The following CDO1 variants were observed in gnomAD, a reference collection of about 807,000 sequenced individuals.
CDO1 encodes cysteine dioxygenase type 1, also known as cysteine dioxygenase, type I.
A neutral mutation model predicts 24.5 loss-of-function variants in CDO1; 19 were observed. That is an observed-to-expected ratio of 0.77 (90% CI 0.54 to 1.14). The LOEUF (loss-of-function observed/expected upper bound fraction) is 1.14, where lower values mean the gene tolerates loss of function less well. Among genes scored for constraint, CDO1 ranks in the 50% most tolerant of loss-of-function variants. The probability of loss-of-function intolerance (pLI) is 0.00; values close to 1 mark genes in which losing one functional copy is unlikely to be tolerated. For missense variants in CDO1, 244 were observed against 244.8 expected (o/e 1.00, Z 0.02); for synonymous variants, 91 against 87.0 (o/e 1.05, Z -0.26).
At chr5:115,814,349 G>A (rs760463837) in intron 1 of CDO1, 1 of 152,190 alleles carries the variant, frequency 6.6e-6, no homozygotes, top group Non-Finnish European at 1.5e-5. Context: ...GAAGTCTTAG[G>A]ATAATCTTTG....
At chr5:115,810,780 A>G (rs1479242738) in intron 3 of CDO1, among the ~76,000 whole-genome samples, 2 of 152,248 alleles carry the variant, frequency 1.3e-5, no homozygotes, top group East Asian at 3.8e-4. Context: ...TTAGAAAAAC[A>G]GAGACTAGCT....
At chr5:115,812,873 C>T (rs1423797509) in intron 2 of CDO1, among the ~76,000 whole-genome samples, 2 of 151,636 alleles carry the variant, frequency 1.3e-5, no homozygotes, top group Non-Finnish European at 2.9e-5. Flanking sequence ...CATGGTGAAA[C>T]CCCATCTCTA....
In CDO1 at chr5:115,804,985, C is replaced by T. The variant is rs898932911; in HGVS notation, c.*448G>A. Reference sequence around the variant, plus strand: ...AAAATCTACAGATTCACAAAATTATCTTCCAATATTAAGAACATACAAAGT... The same window carrying T: ...AAAATCTACAGATTCACAAAATTATTTTCCAATATTAAGAACATACAAAGT... On this transcript the variant is annotated 3_prime_UTR_variant, in exon 5 of 5. Transcript: ENST00000250535. The T allele has an allele frequency of 1.0e-4, 16 of 153,728 alleles. No individual in the cohort carries two copies. The highest frequency in any genetic ancestry group is 2.1e-4 in the South Asian group (1 of 4,836). The allele number at this position is 153,728 out of a possible 1,614,324, so 9.5% of individuals were successfully genotyped here.
chr5:115,806,652 G>C (rs1479657568), intron 3 of CDO1, 134 bp from the exon 4 acceptor site: 3 of 677,616 alleles, frequency 4.4e-6, no homozygotes, highest in Admixed American at 3.6e-5. Context: ...AATTGAACTT[G>C]CAGTTAAAGA....
At chr5:115,810,498 T>C (rs998703501) in intron 3 of CDO1, among the ~76,000 whole-genome samples, 1 of 152,236 alleles carries the variant, frequency 6.6e-6, no homozygotes, top group Admixed American at 6.5e-5. Context: ...ACAAATTGTT[T>C]AATCTTCCTA....
chr5:115,806,619 C>A, intron 3 of CDO1, 101 bp from the exon 4 acceptor site: 2 of 807,238 alleles, frequency 2.5e-6, no homozygotes, highest in Non-Finnish European at 3.9e-6. Context: ...AATTGTGATG[C>A]AAATGGAATA....
At chr5:115,809,633 C>T (rs1760101107) in intron 3 of CDO1, 1 of 152,192 alleles carries the variant, frequency 6.6e-6, no homozygotes, top group Non-Finnish European at 1.5e-5. Flanking sequence ...TTCACTTGTG[C>T]TCTTCCTTGT....
intron 4 of CDO1, 74 bp from the exon 5 acceptor site, chr5:115,805,536 C>G (rs985439171): frequency 8.5e-6 from 12 of 1,405,420 alleles, no homozygotes; most frequent in South Asian, 8.3e-5. Context: ...CTAAATAGTT[C>G]TGCTTTTGTA....
At chr5:115,812,492 T>C (rs1320120356) in intron 2 of CDO1, among the ~76,000 whole-genome samples, 1 of 152,216 alleles carries the variant, frequency 6.6e-6, no homozygotes, top group Non-Finnish European at 1.5e-5. Context: ...CTTTTCTAGC[T>C]TCAAATCTCC....
intron 1 of CDO1, among the ~76,000 whole-genome samples, chr5:115,815,666 C>A (rs377382486): frequency 2.0e-5 from 3 of 152,272 alleles, no homozygotes; most frequent in East Asian, 1.9e-4. Context: ...TGCAGGCGAC[C>A]GAAGGCGCAG....
chr5:115,808,628 G>C (rs565329336), intron 3 of CDO1, among the ~76,000 whole-genome samples: 2 of 152,236 alleles, frequency 1.3e-5, no homozygotes, highest in South Asian at 2.1e-4. Flanking sequence ...CAGGATCACA[G>C]CTCACCCCTG....
rs1168670127 is a variant in CDO1, at chr5:115,804,828, TG to T, written c.*604del. ...GGGACACAGACATGAGTTTATGTTT[TG>T]GTTTGTTGTGGTCTGGGGATCATGT... On this transcript the variant is annotated 3_prime_UTR_variant, in exon 5 of 5. Coordinates refer to ENST00000250535, the MANE Select transcript of CDO1 (RefSeq NM_001801.3). 1 of 152,194 alleles carries T rather than the reference TG, an allele frequency of 6.6e-6. No homozygotes were observed. The highest frequency in any genetic ancestry group is 2.4e-5 in the African/African-American group (1 of 41,430). 9.4% of individuals were successfully genotyped at this position (152,194 alleles called of 1,614,324 possible).
At chr5:115,811,882 C>T (rs1351975639) in intron 2 of CDO1, among the ~76,000 whole-genome samples, 1 of 152,106 alleles carries the variant, frequency 6.6e-6, no homozygotes. Flanking sequence ...AACATTGTGT[C>T]AATTTACAGT....
chr5:115,813,089 A>G, intron 2 of CDO1, 92 bp downstream of exon 2: 1 of 565,768 alleles, frequency 1.8e-6, no homozygotes, highest in East Asian at 3.3e-5. Flanking sequence ...ATTTGTTACT[A>G]CTTGTAAGAC....
Position 115,816,621 on chromosome 5 carries a change from T to G in CDO1, c.-224A>C. ...GGCAGCGCAGTGGATCCGGGATCGC[T>G]GGAGACGCGGTGCACACACAAATCA... On this transcript the variant is annotated 5_prime_UTR_variant, in exon 1 of 5. Coordinates refer to ENST00000250535, the MANE Select transcript of CDO1 (RefSeq NM_001801.3). 1 of 564,110 alleles carries G rather than the reference T, an allele frequency of 1.8e-6. No individual in the cohort carries two copies. Among genetic ancestry groups the G allele is most frequent in the Middle Eastern group, 4.8e-4 (1 of 2,076 alleles). 34.9% of individuals were successfully genotyped at this position (564,110 alleles called of 1,614,324 possible). A position where few individuals can be genotyped will look rare whatever the true frequency, so the allele number is the denominator to read the frequency against.
At chr5:115,807,264 A>G (rs1261821151) in intron 3 of CDO1, among the ~76,000 whole-genome samples, 6 of 152,216 alleles carry the variant, frequency 3.9e-5, no homozygotes, top group Non-Finnish European at 8.8e-5. Flanking sequence ...CTCAAGAAAA[A>G]AGCTTTAAAG....
chr5:115,810,534 G>T (rs1760141673), intron 3 of CDO1, among the ~76,000 whole-genome samples: 1 of 152,096 alleles, frequency 6.6e-6, no homozygotes, highest in African/African-American at 2.4e-5. Context: ...CTACGTAAAA[G>T]GGAATAAAAA....
Position 115,816,372 on chromosome 5 carries a change from G to C in CDO1, c.26C>G (p.Pro9Arg). 6.2e-7 allele frequency: 1 copy of C among 1,613,688 alleles called. No individual in the cohort carries two copies. Among genetic ancestry groups the C allele is most frequent in the Non-Finnish European group, 8.5e-7 (1 of 1,180,016 alleles). The change falls in exon 1 of 5, where the codon CCA becomes CGA. Residue 9 changes from proline (P) to arginine (R), a missense_variant. Coordinates refer to ENST00000250535, the MANE Select transcript of CDO1 (RefSeq NM_001801.3). ...GCGGATCAGATCAGCCAGGGTCCGT[G>C]GCTTCAGCACTTCGGTCTGTTCCAT... MEQTEVLK[P>R]RTLADLIRIL... is the part of the protein sequence containing the mutation.
Position 115,806,485 on chromosome 5 carries a change from C to T in CDO1, c.437G>A (p.Ser146Asn). ...AAGGCTCACAGCAGGTTCCGTATGGCTGATGTTCTCTACTCGATGTAAGCC... is the reference window on the plus strand; with the variant it reads ...AAGGCTCACAGCAGGTTCCGTATGGTTGATGTTCTCTACTCGATGTAAGCC... Reference protein sequence around the residue: ...SIGLHRVENISHTEPAVSLHL... With the variant: ...SIGLHRVENINHTEPAVSLHL... Residue 146 changes from serine (S) to asparagine (N), a missense_variant, in exon 4 of 5, where the codon AGC becomes AAC. Physicochemically the swap from Ser to Asn is conservative, Grantham distance 46 (BLOSUM62 1). Coordinates refer to ENST00000250535, the MANE Select transcript of CDO1 (RefSeq NM_001801.3). 1 of 1,610,812 alleles carries T rather than the reference C, an allele frequency of 6.2e-7. No homozygotes were observed. Among genetic ancestry groups the T allele is most frequent in the Non-Finnish European group, 8.5e-7 (1 of 1,178,884 alleles).
Sources: gnomAD v4.1 joint callset for allele counts (sites outside exome capture counted in the v4.1 genomes callset) on GRCh38, gnomAD v4.1.1 for gene constraint, MANE v1.5 for transcripts, NCBI Gene and HGNC (gene_info 2026-07-23, HGNC 2026-07-21) for gene names.